Variants in ASB5 observed in about 807,000 individuals in gnomAD.
ASB5 encodes ankyrin repeat and SOCS box containing 5, also known as ankyrin repeat and SOCS box protein 5.
ASB5 carries 45 observed loss-of-function variants against 42.1 expected under a neutral mutation model. That is an observed-to-expected ratio of 1.07 (90% CI 0.84 to 1.37). The LOEUF is 1.37. Ranked by LOEUF, ASB5 falls within the 40% of genes most tolerant of loss-of-function variation. The pLI, the probability that ASB5 is intolerant of heterozygous loss-of-function variation, is 0.00. For missense variants in ASB5, 402 were observed against 399.8 expected (o/e 1.01, Z -0.05); for synonymous variants, 147 against 150.6 (o/e 0.98, Z 0.18).
At position 176,221,167 on chromosome 4, in the gene ASB5, G is replaced by A. The variant is rs757419854; in HGVS notation, c.658C>T (p.Leu220Phe). The A allele has an allele frequency of 2.2e-5, 36 of 1,612,802 alleles. No individual in the cohort carries two copies. The highest frequency in any genetic ancestry group is 2.9e-5 in the Non-Finnish European group (34 of 1,179,684). The change falls in exon 5 of 7, where the codon CTT (leucine) becomes TTT (phenylalanine). Residue 220 changes from leucine to phenylalanine, a missense_variant. Transcript: ENST00000296525. The stretch of plus-strand genomic sequence containing the variant: ...TAAAGGAAAATACCAGCATAAAGAA[G>A]CTTCCAGATGCAATGGAATTGCTGT... ...MSQQFHCIWKLLYAGADVQKG... is the reference protein window; with the variant it reads ...MSQQFHCIWKFLYAGADVQKG...
At chr4:176,221,132 G>A in intron 5 of ASB5, 23 bp downstream of exon 5, 1 of 1,601,866 alleles carries the variant, frequency 6.2e-7, no homozygotes. Flanking sequence ...GGACAGAATG[G>A]AAGATGTTTT....
intron 5 of ASB5, among the ~76,000 whole-genome samples, chr4:176,218,315 T>G (rs1424856984): frequency 1.1e-5 from 1 of 90,348 alleles, no homozygotes; most frequent in Non-Finnish European, 2.1e-5. Flanking sequence ...AATATATATA[T>G]TTGTATGATA....
chr4:176,250,048 G>A (rs1430803926), intron 1 of ASB5, among the ~76,000 whole-genome samples: 1 of 144,950 alleles, frequency 6.9e-6, no homozygotes, highest in Non-Finnish European at 1.5e-5. Flanking sequence ...CTGGGTGACA[G>A]AGTGAGACTC....
At chr4:176,225,196 T>C (rs1753340912) in intron 2 of ASB5, 66 bp downstream of exon 2, 8 of 1,307,430 alleles carry the variant, frequency 6.1e-6, no homozygotes, top group Admixed American at 3.8e-5. Flanking sequence ...TTTGCATTGA[T>C]TGGTTTTGAC....
chr4:176,271,258 C>T (rs1754464378), upstream of ASB5, among the ~76,000 whole-genome samples: 1 of 152,084 alleles, frequency 6.6e-6, no homozygotes, highest in Non-Finnish European at 1.5e-5. Flanking sequence ...AAAAATTAAG[C>T]CCAAATAAAA....
At chr4:176,252,537 T>C (rs1190715942) in intron 1 of ASB5, among the ~76,000 whole-genome samples, 1 of 152,250 alleles carries the variant, frequency 6.6e-6, no homozygotes, top group Non-Finnish European at 1.5e-5. Context: ...TCTGTCTTCA[T>C]ATGGCATACA....
chr4:176,219,577 T>A (rs1185132782), intron 5 of ASB5, among the ~76,000 whole-genome samples: 1 of 8,916 alleles, frequency 1.1e-4, no homozygotes, highest in Non-Finnish European at 2.1e-4. Context: ...ATTTGTATGA[T>A]ATATATATAT....
At chr4:176,223,003 C>T (rs1006729808) in intron 2 of ASB5, among the ~76,000 whole-genome samples, 1 of 152,062 alleles carries the variant, frequency 6.6e-6, no homozygotes, top group African/African-American at 2.4e-5. Flanking sequence ...TGGTCTTGAT[C>T]TCCTGACCTC....
At chr4:176,267,319 T>C (rs557864951) in intron 1 of ASB5, among the ~76,000 whole-genome samples, 2 of 152,306 alleles carry the variant, frequency 1.3e-5, no homozygotes, top group African/African-American at 4.8e-5. Flanking sequence ...ACATAGTGTA[T>C]ATGTCACATT....
intron 1 of ASB5, among the ~76,000 whole-genome samples, chr4:176,257,644 T>C (rs1410545812): frequency 1.3e-5 from 2 of 152,174 alleles, no homozygotes; most frequent in Admixed American, 1.3e-4. Context: ...TTTTCTGTCT[T>C]TTAAAATAGT....
intron 1 of ASB5, among the ~76,000 whole-genome samples, chr4:176,255,315 C>A (rs796908719): frequency 5.3e-5 from 8 of 152,332 alleles, no homozygotes; most frequent in African/African-American, 1.9e-4. Flanking sequence ...GGAGATTTCT[C>A]AAGGAACTAA....
At chr4:176,231,863 T>C (rs201827321) in intron 1 of ASB5, among the ~76,000 whole-genome samples, 1 of 17,684 alleles carries the variant, frequency 5.7e-5, no homozygotes, top group East Asian at 2.0e-3. Context: ...ACAAAACAAA[T>C]AAACAAAAAA....
At chr4:176,269,520 T>C (rs556891064), upstream of ASB5, among the ~76,000 whole-genome samples, 36 of 152,338 alleles carry the variant, frequency 2.4e-4, no homozygotes, top group African/African-American at 7.5e-4. Flanking sequence ...AAGTTGTCTA[T>C]CATTTAAGGC....
intron 1 of ASB5, among the ~76,000 whole-genome samples, chr4:176,238,169 T>C (rs1247090899): frequency 1.5e-5 from 2 of 137,086 alleles, no homozygotes; most frequent in African/African-American, 2.8e-5. Context: ...ATTGTACCAC[T>C]GCACTCCAGC....
At position 176,215,730 on chromosome 4, in the gene ASB5, A is replaced by C. The variant is rs190666347; in HGVS notation, c.863-3T>G. On this transcript the variant is annotated splice_polypyrimidine_tract_variant and splice_region_variant and intron_variant, in intron 6 of 6. Transcript: ENST00000296525. ...TTGGTAAAGAGAGCTTGGGGTAGCT[A>C]CAAGAAGACATGAATCTATTTGTTA... The C allele has an allele frequency of 5.0e-6, 8 of 1,607,668 alleles. No individual in the cohort carries two copies. The highest frequency in any genetic ancestry group is 2.7e-5 in the African/African-American group (2 of 74,652).
chr4:176,270,524 AG>A (rs1267973625), upstream of ASB5, among the ~76,000 whole-genome samples: 2 of 152,148 alleles, frequency 1.3e-5, no homozygotes, highest in Non-Finnish European at 2.9e-5. Context: ...AATGGCTCTC[AG>A]AAAATAATAA....
chr4:176,248,179 T>A (rs1399700463), intron 1 of ASB5, among the ~76,000 whole-genome samples: 68 of 152,126 alleles, frequency 4.5e-4, no homozygotes. Flanking sequence ...CAGGCTGGAG[T>A]GCAGCGGCAC....
intron 1 of ASB5, among the ~76,000 whole-genome samples, chr4:176,243,333 C>A (rs1400883504): frequency 6.6e-6 from 1 of 152,048 alleles, no homozygotes; most frequent in African/African-American, 2.4e-5. Flanking sequence ...TCTGCATAAC[C>A]AATCAATTAC....
In ASB5 at chr4:176,232,031, G is replaced by A. The variant is rs77053438; in HGVS notation, c.197-6690C>T. Among the ~76,000 whole-genome samples the A allele has an allele frequency of 3.9e-3, 594 of 151,752 alleles. 6 individuals are homozygous for A. Among genetic ancestry groups the A allele is most frequent in the African/African-American group, 0.014 (571 of 41,346 alleles). On this transcript the variant is annotated intron_variant, in intron 1 of 6. Coordinates refer to ENST00000296525, the MANE Select transcript of ASB5 (RefSeq NM_080874.4). ...TTAGGGAATTAATTATAAGGAGAGG[G>A]AATAAGCAATGACATTTCATATAAC...
Sources: allele counts gnomAD v4.1 joint callset (sites outside exome capture counted in the v4.1 genomes callset), GRCh38; gene constraint gnomAD v4.1.1; transcripts MANE v1.5; gene names NCBI Gene and HGNC (gene_info 2026-07-23, HGNC 2026-07-21).